Variants in WDR7 observed in about 807,000 individuals in gnomAD.
The protein encoded by WDR7 is WD repeat-containing protein 7.
A neutral mutation model predicts 169.4 loss-of-function variants in WDR7; 46 were observed. The ratio of observed to expected loss-of-function variants is 0.27; its 90% CI spans 0.21 to 0.35. WDR7 has a LOEUF of 0.35. WDR7 is among the 10% of genes least tolerant of loss of function. The pLI is 1.00. For synonymous variants in WDR7, 612 were observed against 666.8 expected (o/e 0.92, Z 1.27); for missense variants, 1,534 against 1,859.3 (o/e 0.83, Z 3.22).
chr18:56,695,212 C>A lies in WDR7; in HGVS notation c.1357+14C>A, dbSNP rs776204530. 2 of 1,608,454 alleles carry A rather than the reference C, an allele frequency of 1.2e-6. No homozygotes were observed. Among genetic ancestry groups the A allele is most frequent in the African/African-American group, 2.7e-5 (2 of 74,768 alleles). On this transcript the variant is annotated intron_variant, in intron 11 of 27. Coordinates refer to ENST00000254442, the MANE Select transcript of WDR7 (RefSeq NM_015285.3). ...TGCTCAGAAGAGGTATACTGAAGAG[C>A]TCCGTATGTCTAAAGTGTTTTGACA...
intron 22 of WDR7, among the ~76,000 whole-genome samples, chr18:56,932,979 C>T (rs760020498): frequency 1.3e-5 from 2 of 151,900 alleles, no homozygotes; most frequent in Admixed American, 6.6e-5. Context: ...GGGATGGAAG[C>T]GAGAACTTAG....
At chr18:56,709,229 A>C (rs558001278) in intron 12 of WDR7, among the ~76,000 whole-genome samples, 1 of 152,308 alleles carries the variant, frequency 6.6e-6, no homozygotes, top group East Asian at 1.9e-4. Flanking sequence ...ATGATTATGC[A>C]GATGAAACTA....
intron 19 of WDR7, among the ~76,000 whole-genome samples, chr18:56,801,503 CAGAT>C (rs1460209478): frequency 6.6e-6 from 1 of 152,144 alleles, no homozygotes; most frequent in Non-Finnish European, 1.5e-5. Context: ...TTCTTTGTAG[CAGAT>C]AGATCTTTAG....
rs566857049 is a variant in WDR7, at chr18:56,794,304, A to ATTTTTTTTTTTTTTTTTTTTTTTTTTTT, written c.3190+12671_3190+12672insTTTTTTTTTTTTTTTTTTTTTTTTTTTT. ...GTTTGTGTCTTAAAAGGTAAAGTCTATTTTTTTTTTTTTTTTTTTTTTTGA... is the reference window on the plus strand; with the variant it reads ...GTTTGTGTCTTAAAAGGTAAAGTCTATTTTTTTTTTTTTTTTTTTTTTTTTTTTTTTTTTTTTTTTTTTTTTTTTTTGA... On this transcript the variant is annotated intron_variant, in intron 19 of 27. Coordinates refer to ENST00000254442, the MANE Select transcript of WDR7 (RefSeq NM_015285.3). 1.6e-4 allele frequency among the ~76,000 whole-genome samples: 8 copies of ATTTTTTTTTTTTTTTTTTTTTTTTTTTT among 49,464 alleles called. 3 individuals are homozygous for ATTTTTTTTTTTTTTTTTTTTTTTTTTTT. Among genetic ancestry groups the ATTTTTTTTTTTTTTTTTTTTTTTTTTTT allele is most frequent in the Non-Finnish European group, 2.3e-4 (6 of 26,186 alleles). 32.5% of individuals were successfully genotyped at this position (49,464 alleles called of 152,430 possible).
At chr18:56,740,537 C>T (rs949561448) in intron 14 of WDR7, among the ~76,000 whole-genome samples, 1 of 152,150 alleles carries the variant, frequency 6.6e-6, no homozygotes, top group Admixed American at 6.5e-5. Flanking sequence ...CTCACCCTTT[C>T]TCTGCTGTTC....
intron 20 of WDR7, among the ~76,000 whole-genome samples, chr18:56,835,690 G>A (rs2045384264): frequency 6.6e-6 from 1 of 152,146 alleles, no homozygotes; most frequent in Non-Finnish European, 1.5e-5. Context: ...TATTGGTGGA[G>A]TATTTATAAG....
At chr18:56,913,358 G>A (rs530132451) in intron 21 of WDR7, among the ~76,000 whole-genome samples, 120 of 152,060 alleles carry the variant, frequency 7.9e-4, no homozygotes, top group Non-Finnish European at 1.5e-3. Context: ...TCTTATTATC[G>A]TTTCACTACA....
chr18:56,826,746 G>A (rs563788901), intron 20 of WDR7, among the ~76,000 whole-genome samples: 9 of 152,076 alleles, frequency 5.9e-5, no homozygotes, highest in Non-Finnish European at 1.3e-4. Flanking sequence ...AGGATTCAGG[G>A]AATCAGAACC....
chr18:56,691,567 A>G, intron 8 of WDR7, 148 bp from the exon 9 acceptor site: 1 of 887,250 alleles, frequency 1.1e-6, no homozygotes, highest in Non-Finnish European at 1.6e-6. Context: ...CAATATTTTT[A>G]TAACATTATT....
At chr18:56,661,576 C>T (rs919785709) in intron 1 of WDR7, among the ~76,000 whole-genome samples, 5 of 152,058 alleles carry the variant, frequency 3.3e-5, no homozygotes, top group African/African-American at 1.2e-4. Flanking sequence ...CCTTTGAAAC[C>T]GAACACTGGG....
At chr18:56,885,123 A>G (rs1434260291) in intron 21 of WDR7, among the ~76,000 whole-genome samples, 1 of 152,174 alleles carries the variant, frequency 6.6e-6, no homozygotes, top group African/African-American at 2.4e-5. Flanking sequence ...CCATGGGACA[A>G]AAGAATCTGA....
At chr18:56,975,513 G>A (rs1568295846) in intron 26 of WDR7, among the ~76,000 whole-genome samples, 2 of 152,120 alleles carry the variant, frequency 1.3e-5, no homozygotes, top group South Asian at 4.2e-4. Context: ...TGGACAGATT[G>A]CTTTATAGTT....
chr18:56,704,290 A>T (rs1235899977), intron 12 of WDR7, among the ~76,000 whole-genome samples: 2 of 152,122 alleles, frequency 1.3e-5, no homozygotes, highest in Non-Finnish European at 2.9e-5. Flanking sequence ...TAATTTCAAC[A>T]ATTTGAGAGG....
intron 20 of WDR7, among the ~76,000 whole-genome samples, chr18:56,857,603 A>G (rs527413666): frequency 1.0e-3 from 156 of 152,210 alleles, no homozygotes; most frequent in African/African-American, 3.6e-3. Flanking sequence ...ATATATACAC[A>G]TATATATTTT....
chr18:56,825,998 A>C (rs549404999), intron 20 of WDR7, among the ~76,000 whole-genome samples: 109 of 152,298 alleles, frequency 7.2e-4, no homozygotes, highest in African/African-American at 2.5e-3. Context: ...AATTTAGACC[A>C]AACAGGAAAA....
In WDR7 at chr18:56,852,771, G is replaced by A. The variant is rs558132436; in HGVS notation, c.3305-27173G>A. Among the ~76,000 whole-genome samples, 4 of 152,242 alleles carry A rather than the reference G, an allele frequency of 2.6e-5. No homozygotes were observed. The East Asian group carries it at 7.7e-4, about 29-fold the overall frequency. The stretch of plus-strand genomic sequence containing the variant: ...ATGGATAAATGGACTAGAAGATTTA[G>A]ATTGCTGAATATCTGTGGATATTTA... On this transcript the variant is annotated intron_variant, in intron 20 of 27. Transcript: ENST00000254442.
intron 26 of WDR7, among the ~76,000 whole-genome samples, chr18:56,987,650 G>A (rs946548663): frequency 6.6e-5 from 10 of 152,128 alleles, no homozygotes; most frequent in Admixed American, 5.9e-4. Context: ...ACCTTTTAAA[G>A]CATTTTGGTG....
chr18:56,720,254 C>T (rs2026291015), intron 13 of WDR7, among the ~76,000 whole-genome samples: 1 of 151,936 alleles, frequency 6.6e-6, no homozygotes, highest in Non-Finnish European at 1.5e-5. Flanking sequence ...TGAGACCAGC[C>T]TGGGAGACAT....
chr18:56,857,097 C>T (rs1408422370), intron 20 of WDR7, among the ~76,000 whole-genome samples: 1 of 152,030 alleles, frequency 6.6e-6, no homozygotes, highest in East Asian at 1.9e-4. Context: ...AATATTGGCC[C>T]TAAAATCTTC....
Sources: gnomAD v4.1 joint callset for allele counts (sites outside exome capture counted in the v4.1 genomes callset) on GRCh38, gnomAD v4.1.1 for gene constraint, MANE v1.5 for transcripts, NCBI Gene and HGNC (gene_info 2026-07-23, HGNC 2026-07-21) for gene names.